Variants in PIK3C2G observed in about 807,000 individuals in gnomAD.
The protein encoded by PIK3C2G is phosphatidylinositol 3-kinase C2 domain-containing subunit gamma.
Under a neutral mutation model 181.1 loss-of-function variants are expected in PIK3C2G, and 168 were observed. The observed-to-expected ratio is 0.93, with a 90% CI of 0.82 to 1.05. The LOEUF is 1.05. PIK3C2G is among the 50% of genes least tolerant of loss of function. PIK3C2G has a pLI of 0.00. For missense variants in PIK3C2G, 1,869 were observed against 1,732.8 expected, an observed-to-expected ratio of 1.08 and a Z score of -1.40; for synonymous variants, 573 against 592.2, an observed-to-expected ratio of 0.97 and a Z score of 0.47.
Position 18,346,750 on chromosome 12 carries a change from C to A in PIK3C2G, c.1539C>A (p.Cys513Ter). The change falls in exon 11 of 33, where the codon TGC becomes TGA. Residue 513 changes from cysteine (C) to a stop codon, truncating the protein, a stop_gained. Transcript: ENST00000538779. LOFTEE classifies it high-confidence loss of function. The part of the protein sequence containing the change: ...ADFQPVNVPR[C>*]TSYLNPGLPS... ...TTCAGCCTGTAAATGTACCTAGATG[C>A]ACTTCCTATCTAAATCCCGGGCTTC... 6.2e-7 allele frequency: 1 copy of A among 1,613,442 alleles called. No homozygotes were observed. Among genetic ancestry groups the A allele is most frequent in the Non-Finnish European group, 8.5e-7 (1 of 1,179,510 alleles).
intron 13 of PIK3C2G, among the ~76,000 whole-genome samples, chr12:18,374,991 C>G (rs781447327): frequency 1.3e-5 from 2 of 152,194 alleles, no homozygotes; most frequent in African/African-American, 2.4e-5. Context: ...AAACTCTTCT[C>G]TTTTAAATTG....
chr12:18,713,109 C>G, the PIK3C2G span: 1 of 1,295,038 alleles, frequency 7.7e-7, no homozygotes, highest in South Asian at 1.3e-5. Context: ...CCATAAAACT[C>G]TATAAAAACT....
chr12:18,623,899 G>A (rs781743729), intron 31 of PIK3C2G, among the ~76,000 whole-genome samples: 22 of 151,558 alleles, frequency 1.5e-4, no homozygotes, highest in Admixed American at 7.9e-4. Context: ...CTACAACTTC[G>A]CTGAATTCAT....
chr12:18,579,861 G>A (rs947288701), intron 29 of PIK3C2G, among the ~76,000 whole-genome samples: 7 of 152,208 alleles, frequency 4.6e-5, no homozygotes, highest in East Asian at 1.9e-4. Flanking sequence ...ACTGCTGGGC[G>A]TGGTGGCTTA....
intron 31 of PIK3C2G, among the ~76,000 whole-genome samples, chr12:18,623,231 G>C (rs150377166): frequency 7.8e-4 from 119 of 151,862 alleles, no homozygotes; most frequent in Non-Finnish European, 1.3e-3. Flanking sequence ...TATGGTGTGA[G>C]ATAAGGGTTC....
Position 18,640,506 on chromosome 12 carries a change from GA to G in PIK3C2G, c.4264del (p.Thr1422GlnfsTer16). 1 of 1,605,678 alleles carries G rather than the reference GA, an allele frequency of 6.2e-7. No individual in the cohort carries two copies. Among genetic ancestry groups the G allele is most frequent in the Non-Finnish European group, 8.5e-7 (1 of 1,175,188 alleles). On this transcript the variant is annotated frameshift_variant, in exon 32 of 33. Coordinates refer to ENST00000538779, the MANE Select transcript of PIK3C2G (RefSeq NM_001288772.2). LOFTEE classifies it high-confidence loss of function. ...LPYPSEVRRR[K>X]TKSVPKCTDP... is the part of the protein sequence containing the mutation. ...CATATCCCAGTGAAGTTCGTAGGAG[GA>G]AAACAAAATCTGTTCCAAAATGTAC...
intron 31 of PIK3C2G, among the ~76,000 whole-genome samples, chr12:18,635,870 C>G (rs1027122049): frequency 2.6e-5 from 4 of 152,184 alleles, no homozygotes; most frequent in African/African-American, 9.6e-5. Context: ...CATAGGCCCA[C>G]TAGTCATTGT....
At chr12:18,272,264 T>C (rs555310373) in intron 1 of PIK3C2G, among the ~76,000 whole-genome samples, 151 of 152,296 alleles carry the variant, frequency 9.9e-4, no homozygotes, top group African/African-American at 3.5e-3. Flanking sequence ...CCTGATTTAG[T>C]TTAATGTGTA....
rs572703290 is a variant in PIK3C2G, at chr12:18,277,637, G to A, written c.-78-4367G>A. Among the ~76,000 whole-genome samples, 7 of 152,188 alleles carry A rather than the reference G, an allele frequency of 4.6e-5. No homozygotes were observed. The South Asian group carries it at 8.3e-4, about 18-fold the overall frequency. ...TCCTCCTGTAGATATTCTTAGTAAT[G>A]TGGCCAGGACTTTTTGGATCAAGAA... On this transcript the variant is annotated intron_variant, in intron 1 of 32. Coordinates refer to ENST00000538779, the MANE Select transcript of PIK3C2G (RefSeq NM_001288772.2).
At chr12:18,292,624 A>C (rs1463806664) in intron 4 of PIK3C2G, among the ~76,000 whole-genome samples, 1 of 152,184 alleles carries the variant, frequency 6.6e-6, no homozygotes, top group Non-Finnish European at 1.5e-5. Flanking sequence ...TAGCATGTTC[A>C]TGTAAGAGCT....
chr12:18,256,064 T>C (rs549487987), intron 1 of PIK3C2G, among the ~76,000 whole-genome samples: 68 of 152,326 alleles, frequency 4.5e-4, no homozygotes, highest in African/African-American at 1.5e-3. Context: ...ATAAATGAAT[T>C]ATCTATTCTA....
the PIK3C2G span, among the ~76,000 whole-genome samples, chr12:18,690,543 A>G: frequency 6.6e-6 from 1 of 152,176 alleles, no homozygotes; most frequent in African/African-American, 2.4e-5. Context: ...TTATCCTTAA[A>G]GAATCCTCAG....
chr12:18,404,443 A>G (rs1419002904), intron 16 of PIK3C2G, among the ~76,000 whole-genome samples: 1 of 152,192 alleles, frequency 6.6e-6, no homozygotes, highest in African/African-American at 2.4e-5. Context: ...AGAGGTTACC[A>G]GGCAATGTGC....
At chr12:18,359,275 A>G (rs1168511442) in intron 11 of PIK3C2G, among the ~76,000 whole-genome samples, 1 of 152,124 alleles carries the variant, frequency 6.6e-6, no homozygotes, top group African/African-American at 2.4e-5. Context: ...TTTGAATTTC[A>G]TTCTCCTGTG....
intron 29 of PIK3C2G, among the ~76,000 whole-genome samples, chr12:18,585,734 A>T (rs988120684): frequency 6.6e-6 from 1 of 152,228 alleles, no homozygotes; most frequent in African/African-American, 2.4e-5. Context: ...CCCAAAAACA[A>T]CAGAACATAC....
At chr12:18,568,963 A>T (rs1349326098) in intron 29 of PIK3C2G, among the ~76,000 whole-genome samples, 2 of 152,182 alleles carry the variant, frequency 1.3e-5, no homozygotes, top group South Asian at 2.1e-4. Context: ...AGGGTAAATT[A>T]TAAGAACACC....
upstream of PIK3C2G, among the ~76,000 whole-genome samples, chr12:18,245,276 T>C (rs1948028238): frequency 6.6e-6 from 1 of 152,122 alleles, no homozygotes; most frequent in South Asian, 2.1e-4. Context: ...TCATTTCCAG[T>C]GAATTCCAAT....
intron 1 of PIK3C2G, among the ~76,000 whole-genome samples, chr12:18,279,978 A>G (rs1949142708): frequency 6.6e-6 from 1 of 152,074 alleles, no homozygotes; most frequent in Non-Finnish European, 1.5e-5. Context: ...AAATGCCAAC[A>G]TAATAAAAAT....
At chr12:18,650,502 G>GA (rs974464623), downstream of PIK3C2G, among the ~76,000 whole-genome samples, 2 of 148,632 alleles carry the variant, frequency 1.3e-5, no homozygotes, top group East Asian at 2.0e-4. Context: ...TCCTGTGTAT[G>GA]AAAAAAAATT....
Sources: gnomAD v4.1 joint callset for allele counts (sites outside exome capture counted in the v4.1 genomes callset) on GRCh38, gnomAD v4.1.1 for gene constraint, MANE v1.5 for transcripts, NCBI Gene and HGNC (gene_info 2026-07-23, HGNC 2026-07-21) for gene names.